Variants in JAK1 observed in about 807,000 individuals in gnomAD.
JAK1 encodes tyrosine-protein kinase JAK1.
A neutral mutation model predicts 136.6 loss-of-function variants in JAK1; 16 were observed. The observed-to-expected ratio is 0.12, with a 90% CI of 0.08 to 0.18. The LOEUF is 0.18. Ranked by LOEUF, JAK1 falls within the 10% of genes least tolerant of loss-of-function variation. The probability of loss-of-function intolerance (pLI) is 1.00; values close to 1 mark genes in which losing one functional copy is unlikely to be tolerated. For missense variants in JAK1, 859 were observed against 1,450.1 expected (o/e 0.59, Z 6.62); for synonymous variants, 492 against 519.5 (o/e 0.95, Z 0.72).
intron 2 of JAK1, among the ~76,000 whole-genome samples, chr1:65,035,611 G>A (rs749463561): frequency 1.3e-5 from 2 of 152,158 alleles, no homozygotes; most frequent in Non-Finnish European, 2.9e-5. Context: ...AATAATGTAT[G>A]AGAGTGTTCT....
intron 7 of JAK1, among the ~76,000 whole-genome samples, chr1:64,865,506 C>T (rs1303860706): frequency 2.6e-5 from 4 of 152,294 alleles, no homozygotes; most frequent in Non-Finnish European, 4.4e-5. Flanking sequence ...TATTTTGTGT[C>T]GCATGAGCCC....
At chr1:64,880,858 A>G (rs1644760127) in intron 3 of JAK1, among the ~76,000 whole-genome samples, 1 of 151,926 alleles carries the variant, frequency 6.6e-6, no homozygotes, top group Non-Finnish European at 1.5e-5. Flanking sequence ...AAGGCAGGAG[A>G]ATCGCTTGAA....
chr1:64,845,028 G>T, intron 15 of JAK1, 139 bp from the exon 16 acceptor site: 1 of 1,174,634 alleles, frequency 8.5e-7, no homozygotes, highest in Non-Finnish European at 1.2e-6. Flanking sequence ...AATCATCTGT[G>T]TGACTTAGGC....
intron 2 of JAK1, among the ~76,000 whole-genome samples, chr1:64,986,353 C>CA (rs2100709969): frequency 6.6e-6 from 1 of 152,228 alleles, no homozygotes; most frequent in South Asian, 2.1e-4. Context: ...GTGACTCACC[C>CA]ACCTCGGCCT....
At chr1:65,002,662 GC>G (rs1646769538) in intron 2 of JAK1, among the ~76,000 whole-genome samples, 1 of 152,252 alleles carries the variant, frequency 6.6e-6, no homozygotes, top group African/African-American at 2.4e-5. Context: ...CCAGCTGGAT[GC>G]GTCACCATCC....
intron 1 of JAK1, among the ~76,000 whole-genome samples, chr1:64,957,927 G>A (rs1357026418): frequency 7.1e-6 from 1 of 140,562 alleles, no homozygotes; most frequent in African/African-American, 2.7e-5. Flanking sequence ...CTGGGCGAAA[G>A]AGCGAGACTC....
At chr1:64,986,563 C>T (rs572535257) in intron 2 of JAK1, among the ~76,000 whole-genome samples, 95 of 152,226 alleles carry the variant, frequency 6.2e-4, no homozygotes, top group African/African-American at 1.8e-3. Context: ...TACAGCATCT[C>T]CTATTTTCTA....
At chr1:64,979,260 T>C (rs2100691108) in intron 2 of JAK1, among the ~76,000 whole-genome samples, 1 of 152,276 alleles carries the variant, frequency 6.6e-6, no homozygotes, top group East Asian at 1.9e-4. Context: ...ATTAGCCATG[T>C]ACAATGGTGT....
chr1:64,999,210 C>T (rs1229637002), intron 2 of JAK1, among the ~76,000 whole-genome samples: 1 of 152,146 alleles, frequency 6.6e-6, no homozygotes, highest in South Asian at 2.1e-4. Context: ...GAACAAAGTC[C>T]AAACCTTCTC....
intron 2 of JAK1, 146 bp from the exon 3 acceptor site, chr1:64,883,621 G>A (rs72675459): frequency 0.016 from 9,555 of 599,568 alleles, 109 homozygotes; most frequent in Non-Finnish European, 0.022. Flanking sequence ...TCCCTTCCTG[G>A]AAACCAAACA....
intron 1 of JAK1, among the ~76,000 whole-genome samples, chr1:64,903,103 T>G (rs1451569068): frequency 1.3e-5 from 2 of 152,192 alleles, no homozygotes; most frequent in East Asian, 3.9e-4. Flanking sequence ...CTCAGCTCAC[T>G]GCAACCTCCA....
chr1:64,909,342 C>T (rs1557682784), intron 1 of JAK1, among the ~76,000 whole-genome samples: 1 of 151,668 alleles, frequency 6.6e-6, no homozygotes, highest in South Asian at 2.1e-4. Flanking sequence ...CAGGTGGGGG[C>T]GAAATAGCGT....
intron 2 of JAK1, chr1:64,979,628 A>C (rs1045558876): frequency 2.0e-5 from 3 of 152,250 alleles, no homozygotes; most frequent in Non-Finnish European, 4.4e-5. Flanking sequence ...ACATATGATC[A>C]GTAACAATCA....
intron 1 of JAK1, among the ~76,000 whole-genome samples, chr1:65,060,961 G>A (rs1334637293): frequency 6.6e-6 from 1 of 152,188 alleles, no homozygotes; most frequent in Admixed American, 6.5e-5. Context: ...AGAAAACAGT[G>A]ATGTAAAATG....
At chr1:64,847,028 C>G in intron 13 of JAK1, 1 of 499,486 alleles carries the variant, frequency 2.0e-6, no homozygotes. Flanking sequence ...ATGCCCACCT[C>G]TCTCTCTTCC....
intron 14 of JAK1, among the ~76,000 whole-genome samples, chr1:64,846,309 G>T (rs372182158): frequency 2.0e-5 from 3 of 151,990 alleles, no homozygotes; most frequent in African/African-American, 7.3e-5. Context: ...TGCTTGTGGG[G>T]TGCGCTCACC....
Position 64,985,000 on chromosome 1 carries a change from A to C in JAK1, c.-78+59480T>G, listed in dbSNP as rs1646584462. The stretch of plus-strand genomic sequence containing the variant: ...ACAAAGACCAAGATAGCCCCAATAC[A>C]GACAAAGCTTATCCCATTACACTCA... On this transcript the variant is annotated intron_variant, in intron 2 of 25. Coordinates refer to the JAK1 transcript ENST00000671954. This position sits in a 1 kb window ranked among gnomAD's most constrained non-coding sequence, Gnocchi z 4.1. The C allele has an allele frequency of 1.1e-6, 1 of 872,178 alleles. No individual in the cohort carries two copies. The highest frequency in any genetic ancestry group is 2.0e-6 in the Non-Finnish European group (1 of 506,774). The allele number at this position is 872,178 out of a possible 1,614,324, so 54.0% of individuals were successfully genotyped here.
intron 1 of JAK1, among the ~76,000 whole-genome samples, chr1:64,902,620 G>T (rs1243614545): frequency 2.2e-5 from 3 of 139,394 alleles, no homozygotes; most frequent in South Asian, 2.4e-4. Context: ...GTTATGGCAT[G>T]TTAAGATGGA....
At chr1:64,927,199 C>T (rs75951234) in intron 1 of JAK1, among the ~76,000 whole-genome samples, 6,381 of 152,176 alleles carry the variant, frequency 0.042, 359 homozygotes, top group East Asian at 0.26. Flanking sequence ...CTCTCTGGCA[C>T]GGTCTCCCGT....
Sources: gnomAD v4.1 joint callset for allele counts (sites outside exome capture counted in the v4.1 genomes callset) on GRCh38, gnomAD v4.1.1 for gene constraint, Gnocchi (gnomAD v3.1) non-coding constraint, MANE v1.5 for transcripts, NCBI Gene and HGNC (gene_info 2026-07-23, HGNC 2026-07-21) for gene names.